Variants in SLC33A1 observed in about 807,000 individuals in gnomAD.
SLC33A1 encodes the protein solute carrier family 33 member 1.
SLC33A1 carries 20 observed loss-of-function variants against 50.0 expected under a neutral mutation model. The ratio of observed to expected loss-of-function variants is 0.40; its 90% CI spans 0.28 to 0.58. The LOEUF (loss-of-function observed/expected upper bound fraction) is 0.58. Ranked by LOEUF, SLC33A1 falls within the 20% of genes least tolerant of loss-of-function variation. SLC33A1 has a pLI of 0.44. For synonymous variants in SLC33A1, 265 were observed against 251.8 expected (o/e 1.05, Z -0.50); for missense variants, 476 against 657.0 (o/e 0.72, Z 3.01).
At chr3:155,830,180 G>A (rs539346294) in intron 4 of SLC33A1, among the ~76,000 whole-genome samples, 4 of 150,864 alleles carry the variant, frequency 2.7e-5, no homozygotes, top group East Asian at 1.9e-4. Context: ...TGGCTAACAC[G>A]GTGAAACCCT....
rs1341440565 is a variant in SLC33A1 at position 155,842,549 on chromosome 3, G to A, written c.846C>T (p.Asn282=). The change falls in exon 2 of 6, where the codon AAC becomes AAT. Residue 282 remains asparagine (N), a synonymous_variant. Coordinates refer to ENST00000643144, the MANE Select transcript of SLC33A1 (RefSeq NM_004733.4). The part of the protein sequence containing the change: ...TTLVALLKKE[N]EVSVVKEETQ... ...TTTCTTCTTTTACTACTGATACTTC[G>A]TTTTCTTTTTTCAGAAGGGCAACCA... 9 of 1,603,830 alleles carry A rather than the reference G, an allele frequency of 5.6e-6. No homozygotes were observed. The highest frequency in any genetic ancestry group is 2.2e-5 in the East Asian group (1 of 44,476).
At chr3:155,835,334 T>A (rs1378826360) in intron 2 of SLC33A1, among the ~76,000 whole-genome samples, 1 of 152,180 alleles carries the variant, frequency 6.6e-6, no homozygotes, top group African/African-American at 2.4e-5. Flanking sequence ...GTTATATCGA[T>A]ACAGTAGGCA....
At position 155,827,298 on chromosome 3, in the gene SLC33A1, T is replaced by C. The variant is rs552402880; in HGVS notation, c.*912A>G. On this transcript the variant is annotated 3_prime_UTR_variant, in exon 6 of 6. Transcript: ENST00000643144. ...TTTACTTAATCAGAAAGCTTTACTG[T>C]TTTTTTCTCTCAGCAATTAAAAAAA... 1 of 152,290 alleles carries C rather than the reference T, an allele frequency of 6.6e-6. No homozygotes were observed. Among genetic ancestry groups the C allele is most frequent in the Non-Finnish European group, 1.5e-5 (1 of 68,018 alleles). 9.4% of individuals were successfully genotyped at this position (152,290 alleles called of 1,614,324 possible).
rs143409270 is a variant in SLC33A1 at position 155,842,516 on chromosome 3, C to T, written c.879G>A (p.Gly293=). The stretch of plus-strand genomic sequence containing the variant: ...AAAGCAGCTTGTAAGTATCTGTGAT[C>T]CCTTGTGTTTCTTCTTTTACTACTG... ...EVSVVKEETQ[G]ITDTYKLLFA... is the part of the protein sequence containing the mutation. Residue 293 remains glycine, a synonymous_variant, in exon 2 of 6, where the codon GGG becomes GGA. Coordinates refer to ENST00000643144, the MANE Select transcript of SLC33A1 (RefSeq NM_004733.4). The T allele has an allele frequency of 3.1e-5, 50 of 1,610,318 alleles. No individual in the cohort carries two copies. The highest frequency in any genetic ancestry group is 2.5e-4 in the Admixed American group (15 of 59,912).
Position 155,853,476 on chromosome 3 carries a change from G to C in SLC33A1, c.522C>G (p.Pro174=). The C allele has an allele frequency of 6.2e-7, 1 of 1,614,086 alleles. No individual in the cohort carries two copies. The highest frequency in any genetic ancestry group is 8.5e-7 in the Non-Finnish European group (1 of 1,180,024). The stretch of plus-strand genomic sequence containing the variant: ...ACGCCACAGTGAGAGCAATCACGTC[G>C]GGTGTTCTGTCATCGGTATTCCCAA... ...RLLGNTDDRT[P]DVIALTVAFF... is the part of the protein sequence containing the mutation. The change falls in exon 1 of 6, where the codon CCC becomes CCG. Residue 174 remains proline, a synonymous_variant. Coordinates refer to ENST00000643144, the MANE Select transcript of SLC33A1 (RefSeq NM_004733.4).
intron 2 of SLC33A1, among the ~76,000 whole-genome samples, chr3:155,839,355 C>A (rs922010347): frequency 1.6e-3 from 21 of 13,436 alleles, no homozygotes; most frequent in Admixed American, 3.1e-3. Flanking sequence ...GCCTGGGCAA[C>A]AAAGCGAGAC....
intron 1 of SLC33A1, 145 bp downstream of exon 1, chr3:155,853,078 A>T (rs1262937069): frequency 1.4e-6 from 1 of 710,252 alleles, no homozygotes. Context: ...TATTTCAAAG[A>T]AGCTCATTTG....
intron 2 of SLC33A1, among the ~76,000 whole-genome samples, chr3:155,841,653 G>T (rs11927551): frequency 0.4 from 61,450 of 151,744 alleles, 14,696 homozygotes; most frequent in African/African-American, 0.67. Context: ...CCCGTTTCTC[G>T]TATAATTTTC....
At chr3:155,850,077 C>T (rs988314489) in intron 1 of SLC33A1, among the ~76,000 whole-genome samples, 2 of 151,396 alleles carry the variant, frequency 1.3e-5, no homozygotes, top group Non-Finnish European at 2.9e-5. Flanking sequence ...GGCGCGATCT[C>T]AGCTCACTGC....
rs541339079 is a variant in SLC33A1 at position 155,828,043 on chromosome 3, T to C, written c.*167A>G. 5.2e-6 allele frequency: 3 copies of C among 574,644 alleles called. No homozygotes were observed. Among genetic ancestry groups the C allele is most frequent in the African/African-American group, 3.8e-5 (2 of 52,658 alleles). 35.6% of individuals were successfully genotyped at this position (574,644 alleles called of 1,614,324 possible). A position where few individuals can be genotyped will look rare whatever the true frequency, so the allele number is the denominator to read the frequency against. Reference sequence around the variant, plus strand: ...ACATTGACAAGGCAAAAAAAAAATATGATCAAATATACAGAAAGGTTTCTA... The same window carrying C: ...ACATTGACAAGGCAAAAAAAAAATACGATCAAATATACAGAAAGGTTTCTA... On this transcript the variant is annotated 3_prime_UTR_variant, in exon 6 of 6. Transcript: ENST00000643144.
intron 2 of SLC33A1, among the ~76,000 whole-genome samples, chr3:155,837,332 G>C (rs551593580): frequency 6.6e-6 from 1 of 150,400 alleles, no homozygotes; most frequent in South Asian, 2.1e-4. Context: ...CTCCAGCCTG[G>C]GGGACAGAGC....
chr3:155,850,471 T>C (rs2108008325), intron 1 of SLC33A1, among the ~76,000 whole-genome samples: 1 of 140,948 alleles, frequency 7.1e-6, no homozygotes, highest in Middle Eastern at 3.4e-3. Flanking sequence ...AAATTGGAAC[T>C]TTCTCTTAAT....
At chr3:155,851,912 T>C (rs114309003) in intron 1 of SLC33A1, among the ~76,000 whole-genome samples, 2,067 of 152,280 alleles carry the variant, frequency 0.014, 55 homozygotes, top group African/African-American at 0.047. Flanking sequence ...AGAATAAGAT[T>C]GCAGGAAAAT....
chr3:155,849,909 G>GAACAAT (rs1753330105), intron 1 of SLC33A1, among the ~76,000 whole-genome samples: 1 of 134,000 alleles, frequency 7.5e-6, no homozygotes, highest in Admixed American at 7.7e-5. Flanking sequence ...CTCCATCTCA[G>GAACAAT]AATAATAATA....
At chr3:155,848,205 A>G (rs1234407054) in intron 1 of SLC33A1, among the ~76,000 whole-genome samples, 1 of 152,118 alleles carries the variant, frequency 6.6e-6, no homozygotes, top group South Asian at 2.1e-4. Flanking sequence ...ACACTATTAT[A>G]ACGCATTGCA....
chr3:155,840,990 A>T (rs78244881), intron 2 of SLC33A1, among the ~76,000 whole-genome samples: 22,879 of 151,256 alleles, frequency 0.15, 4,149 homozygotes, highest in African/African-American at 0.42. Flanking sequence ...TCTCAAAAAA[A>T]ATATATATAT....
rs184657682 is a variant in SLC33A1 at position 155,827,353 on chromosome 3, A to C, written c.*857T>G. The C allele has an allele frequency of 6.6e-6, 1 of 152,222 alleles. No homozygotes were observed. The highest frequency in any genetic ancestry group is 1.5e-5 in the Non-Finnish European group (1 of 68,004). 9.4% of individuals were successfully genotyped at this position (152,222 alleles called of 1,614,324 possible). A position where few individuals can be genotyped will look rare whatever the true frequency, so the allele number is the denominator to read the frequency against. On this transcript the variant is annotated 3_prime_UTR_variant, in exon 6 of 6. Coordinates refer to ENST00000643144, the MANE Select transcript of SLC33A1 (RefSeq NM_004733.4). ...ACTTGAAGAAAAACATTTAATTTTT[A>C]TTTTCAAAATGTTGCCATAAACATA...
intron 4 of SLC33A1, among the ~76,000 whole-genome samples, chr3:155,830,407 A>AAAT (rs1560012051): frequency 2.6e-5 from 4 of 151,526 alleles, no homozygotes; most frequent in African/African-American, 4.9e-5. Flanking sequence ...AATAAATAAA[A>AAAT]AAAAAGATCC....
At chr3:155,839,510 T>G (rs1752841411) in intron 2 of SLC33A1, among the ~76,000 whole-genome samples, 1 of 151,694 alleles carries the variant, frequency 6.6e-6, no homozygotes, top group African/African-American at 2.4e-5. Context: ...AAAATGAGAT[T>G]ACGGAAAATT....
Sources: gnomAD v4.1 joint callset for allele counts (sites outside exome capture counted in the v4.1 genomes callset) on GRCh38, gnomAD v4.1.1 for gene constraint, MANE v1.5 for transcripts, NCBI Gene and HGNC (gene_info 2026-07-23, HGNC 2026-07-21) for gene names.